Variants in CDC14B observed in about 807,000 individuals in gnomAD.
The protein encoded by CDC14B is dual specificity protein phosphatase CDC14B.
A neutral mutation model predicts 64.2 loss-of-function variants in CDC14B; 22 were observed. The observed-to-expected ratio is 0.34, with a 90% CI of 0.24 to 0.49. CDC14B has a LOEUF of 0.49. Ranked by LOEUF, CDC14B falls within the 20% of genes least tolerant of loss-of-function variation. The pLI is 0.99. For synonymous variants in CDC14B, 191 were observed against 215.8 expected, an observed-to-expected ratio of 0.89 and a Z score of 1.01; for missense variants, 498 against 629.9, an observed-to-expected ratio of 0.79 and a Z score of 2.24.
intron 12 of CDC14B, among the ~76,000 whole-genome samples, chr9:96,516,259 T>G (rs1231679040): frequency 6.6e-6 from 1 of 152,142 alleles, no homozygotes; most frequent in East Asian, 1.9e-4. Flanking sequence ...ACAGCAGAAC[T>G]GATCTCACTT....
At chr9:96,564,909 G>C (rs1178194497) in intron 2 of CDC14B, 57 bp from the exon 3 acceptor site, 23 of 1,145,264 alleles carry the variant, frequency 2.0e-5, no homozygotes, top group Non-Finnish European at 2.6e-5. Context: ...GAATATAAAT[G>C]CCTTTTTTGG....
chr9:96,517,511 G>T (rs1053602757), intron 12 of CDC14B, among the ~76,000 whole-genome samples: 2 of 149,880 alleles, frequency 1.3e-5, no homozygotes, highest in African/African-American at 4.9e-5. Flanking sequence ...AATTAGCCGG[G>T]CGTGGTGGCA....
chr9:96,543,620 G>T (rs554567540), intron 5 of CDC14B, among the ~76,000 whole-genome samples: 1 of 152,166 alleles, frequency 6.6e-6, no homozygotes, highest in Admixed American at 6.5e-5. Flanking sequence ...ATCAAGTAAG[G>T]TTTTACCCAG....
chr9:96,523,852 G>T, intron 9 of CDC14B, 127 bp from the exon 10 acceptor site: 1 of 904,920 alleles, frequency 1.1e-6, no homozygotes, highest in Non-Finnish European at 1.7e-6. Flanking sequence ...TCTCAAGGCT[G>T]GTTACACTCT....
intron 5 of CDC14B, among the ~76,000 whole-genome samples, chr9:96,543,802 A>C (rs1019784449): frequency 6.6e-6 from 1 of 152,202 alleles, no homozygotes; most frequent in Non-Finnish European, 1.5e-5. Flanking sequence ...TCCTGGGGAA[A>C]CAGGGTTGCT....
At chr9:96,582,921 G>A (rs1845239819) in intron 1 of CDC14B, among the ~76,000 whole-genome samples, 1 of 152,104 alleles carries the variant, frequency 6.6e-6, no homozygotes, top group African/African-American at 2.4e-5. Flanking sequence ...TAACTGCAGG[G>A]ACAAGGATAA....
intron 5 of CDC14B, among the ~76,000 whole-genome samples, chr9:96,549,231 A>G (rs1841438895): frequency 6.6e-6 from 1 of 152,076 alleles, no homozygotes; most frequent in African/African-American, 2.4e-5. Flanking sequence ...ATGAAAGGGG[A>G]AAAAAAACAA....
intron 1 of CDC14B, among the ~76,000 whole-genome samples, chr9:96,607,090 A>AC (rs1431098494): frequency 2.0e-5 from 3 of 152,088 alleles, no homozygotes; most frequent in African/African-American, 7.2e-5. Flanking sequence ...GATTAAAAAA[A>AC]ACAAAAAAAA....
chr9:96,492,448 A>AGAT (rs1486755414), exon 14 of CDC14B: 1 of 152,592 alleles, frequency 6.6e-6, no homozygotes, highest in African/African-American at 2.4e-5. Context: ...GATCCTCTAG[A>AGAT]GATAGGGGTG....
chr9:96,546,466 G>A (rs1840857886), intron 5 of CDC14B, among the ~76,000 whole-genome samples: 2 of 149,084 alleles, frequency 1.3e-5, no homozygotes, highest in African/African-American at 5.1e-5. Flanking sequence ...GGAGTGGGGT[G>A]GGGACGGAGT....
chr9:96,619,395 C>A lies in CDC14B; in HGVS notation c.-17G>T, dbSNP rs370921225. ...CCGCTTCATGGAGGCGGCCGCGGCC[C>A]GTCAGGGGGCCACGACCATGGCCCC... is the stretch of plus-strand genomic sequence containing the variant. On this transcript the variant is annotated 5_prime_UTR_variant, in exon 1 of 14. Coordinates refer to ENST00000375241, the MANE Select transcript of CDC14B (RefSeq NM_033331.4). 1,368 of 1,177,384 alleles carry A rather than the reference C, an allele frequency of 1.2e-3. 32 individuals carry two copies. Among genetic ancestry groups the A allele is most frequent in the Non-Finnish European group, 2.8e-4 (269 of 953,784 alleles). The allele number at this position is 1,177,384 out of a possible 1,614,324, so 72.9% of individuals were successfully genotyped here.
At chr9:96,574,538 TTTC>T (rs1359602300) in intron 1 of CDC14B, among the ~76,000 whole-genome samples, 2 of 151,940 alleles carry the variant, frequency 1.3e-5, no homozygotes, top group African/African-American at 4.8e-5. Context: ...CAGGGATGGA[TTTC>T]TTTTTTACTC....
At chr9:96,553,454 G>A (rs1201959131) in intron 4 of CDC14B, among the ~76,000 whole-genome samples, 1 of 151,470 alleles carries the variant, frequency 6.6e-6, no homozygotes. Context: ...CACCTCCCAG[G>A]TTCAAGCAAT....
intron 1 of CDC14B, among the ~76,000 whole-genome samples, chr9:96,608,588 A>G (rs1295547265): frequency 6.6e-6 from 1 of 152,244 alleles, no homozygotes; most frequent in African/African-American, 2.4e-5. Context: ...AGTTAAATCT[A>G]GTTCCCGAAA....
Position 96,534,132 on chromosome 9 carries a change from A to T in CDC14B, c.741T>A (p.Thr247=), listed in dbSNP as rs1288806003. 1 of 1,606,534 alleles carries T rather than the reference A, an allele frequency of 6.2e-7. No homozygotes were observed. Among genetic ancestry groups the T allele is most frequent in the Non-Finnish European group, 8.5e-7 (1 of 1,174,862 alleles). ...ESGYHQHSPE[T]YIQYFKNHNV... ...TGTGATTCTTAAAATATTGAATATA[A>T]GTCTCAGGAGAATGTTGGTGGTAAC... Residue 247 remains threonine, a synonymous_variant, in exon 9 of 14, where the codon ACT becomes ACA. Transcript: ENST00000375241.
At chr9:96,497,273 CAGGCGGGGTTAG>C (rs1833292918), downstream of CDC14B, among the ~76,000 whole-genome samples, 2 of 152,172 alleles carry the variant, frequency 1.3e-5, no homozygotes, top group Non-Finnish European at 2.9e-5. Context: ...GCCAAAGAGT[CAGGCGGGGTTAG>C]AGGCGGGGAG....
intron 1 of CDC14B, among the ~76,000 whole-genome samples, chr9:96,582,847 T>C (rs2118389332): frequency 1.3e-5 from 2 of 152,334 alleles, no homozygotes; most frequent in Non-Finnish European, 2.9e-5. Context: ...GGATAGAGAA[T>C]GGACTATCCA....
At chr9:96,505,887 C>A (rs1342920541) in intron 13 of CDC14B, among the ~76,000 whole-genome samples, 1 of 152,210 alleles carries the variant, frequency 6.6e-6, no homozygotes, top group Non-Finnish European at 1.5e-5. Flanking sequence ...ACAGTGGCAC[C>A]TTTTCCCAAA....
chr9:96,496,700 C>T (rs986709005), downstream of CDC14B, among the ~76,000 whole-genome samples: 3 of 152,364 alleles, frequency 2.0e-5, no homozygotes, highest in East Asian at 5.8e-4. Flanking sequence ...CCCAGGCCAC[C>T]CTGAAGTCCC....
Sources: gnomAD v4.1 joint callset for allele counts (sites outside exome capture counted in the v4.1 genomes callset) on GRCh38, gnomAD v4.1.1 for gene constraint, MANE v1.5 for transcripts, NCBI Gene and HGNC (gene_info 2026-07-23, HGNC 2026-07-21) for gene names.